The following SCN9A variants were observed in gnomAD, a reference collection of about 807,000 sequenced individuals.
SCN9A encodes the protein sodium voltage-gated channel alpha subunit 9.
Under a neutral mutation model 187.0 loss-of-function variants are expected in SCN9A, and 131 were observed. The ratio of observed to expected loss-of-function variants is 0.70; its 90% CI spans 0.61 to 0.81. SCN9A has a LOEUF of 0.81. Among genes scored for constraint, SCN9A ranks in the 30% least tolerant of loss-of-function variants. SCN9A has a pLI of 0.00. For missense variants in SCN9A, 2,252 were observed against 2,396.6 expected (o/e 0.94, Z 1.26); for synonymous variants, 809 against 808.6 (o/e 1.00, Z -0.01).
At chr2:166,373,731 A>G (rs1700619132) in intron 1 of SCN9A, among the ~76,000 whole-genome samples, 1 of 152,190 alleles carries the variant, frequency 6.6e-6, no homozygotes, top group African/African-American at 2.4e-5. Flanking sequence ...ATAAATTATT[A>G]TCATTATGAC....
chr2:166,249,224 C>A lies in SCN9A; in HGVS notation c.3472+2541G>T, dbSNP rs895980662. 2.0e-5 allele frequency: 3 copies of A among 152,050 alleles called. No individual in the cohort carries two copies. The East Asian group carries it at 5.8e-4, about 29-fold the overall frequency. The allele number at this position is 152,050 out of a possible 1,614,324, so 9.4% of individuals were successfully genotyped here. Reference sequence around the variant, plus strand: ...TAGCATATTTATGTGCTAGTAAGTTCTTCCCCCTCACTCTTGGTATTCCTC... The same window carrying A: ...TAGCATATTTATGTGCTAGTAAGTTATTCCCCCTCACTCTTGGTATTCCTC... On this transcript the variant is annotated intron_variant, in intron 18 of 26. Transcript: ENST00000642356.
intron 24 of SCN9A, chr2:166,205,121 A>C (rs1693735374): frequency 6.6e-6 from 1 of 152,020 alleles, no homozygotes; most frequent in African/African-American, 2.4e-5. Flanking sequence ...ATCCCCATCA[A>C]GCTACCACTG....
chr2:166,260,954 ATTATT>A (rs1696479271), intron 17 of SCN9A, among the ~76,000 whole-genome samples: 1 of 151,746 alleles, frequency 6.6e-6, no homozygotes, highest in South Asian at 2.1e-4. Context: ...TTAGTTTTTT[ATTATT>A]TAACTTAAAA....
At chr2:166,209,480 C>G (rs1246515357) in intron 24 of SCN9A, among the ~76,000 whole-genome samples, 1 of 151,930 alleles carries the variant, frequency 6.6e-6, no homozygotes, top group Admixed American at 6.6e-5. Context: ...GGGAAAGAAA[C>G]TATACACACA....
At chr2:166,353,996 TA>T (rs1371822518) in intron 1 of SCN9A, among the ~76,000 whole-genome samples, 1 of 152,208 alleles carries the variant, frequency 6.6e-6, no homozygotes, top group Non-Finnish European at 1.5e-5. Flanking sequence ...GCTATCTAAT[TA>T]TATTGCCTTT....
intron 1 of SCN9A, among the ~76,000 whole-genome samples, chr2:166,346,317 T>A (rs1699900823): frequency 6.6e-6 from 1 of 152,224 alleles, no homozygotes; most frequent in African/African-American, 2.4e-5. Flanking sequence ...AGTATTATCA[T>A]GAAACTTTTC....
intron 9 of SCN9A, among the ~76,000 whole-genome samples, chr2:166,291,229 T>C (rs1698053390): frequency 6.6e-6 from 1 of 152,130 alleles, no homozygotes; most frequent in Non-Finnish European, 1.5e-5. Flanking sequence ...TTCAGCAAGG[T>C]ATCAGGATAC....
rs35833662 is a variant in SCN9A at position 166,247,157 on chromosome 2, CA to C, written c.3473-4502del. On this transcript the variant is annotated intron_variant, in intron 18 of 26. Coordinates refer to ENST00000642356, the MANE Select transcript of SCN9A (RefSeq NM_001365536.1). ...TTTCATCATGTTAAACCAAAGCTCT[CA>C]AAAAAAAAAAAAAAAAAAAAAGGAA... Among the ~76,000 whole-genome samples, 272 of 41,806 alleles carry C rather than the reference CA, an allele frequency of 6.5e-3. 1 individual carries two copies. Among genetic ancestry groups the C allele is most frequent in the East Asian group, 9.1e-3 (11 of 1,204 alleles). 27.4% of individuals were successfully genotyped at this position (41,806 alleles called of 152,430 possible).
chr2:166,212,765 G>A (rs1300745129), intron 24 of SCN9A, among the ~76,000 whole-genome samples: 1 of 152,090 alleles, frequency 6.6e-6, no homozygotes, highest in Non-Finnish European at 1.5e-5. Context: ...CTGTTAAGAA[G>A]TTGAAATCAT....
intron 1 of SCN9A, among the ~76,000 whole-genome samples, chr2:166,324,278 G>A (rs1002961029): frequency 1.3e-5 from 2 of 151,654 alleles, no homozygotes; most frequent in Non-Finnish European, 2.9e-5. Flanking sequence ...GAACCAGAGA[G>A]CGGGACTCCA....
intron 9 of SCN9A, 76 bp downstream of exon 9, chr2:166,293,155 C>T: frequency 7.4e-7 from 1 of 1,346,628 alleles, no homozygotes; most frequent in Non-Finnish European, 1.0e-6. Context: ...TAAAAAACCT[C>T]CTAATACAGG....
intron 17 of SCN9A, among the ~76,000 whole-genome samples, chr2:166,253,646 C>T: frequency 6.6e-6 from 1 of 151,672 alleles, no homozygotes; most frequent in East Asian, 1.9e-4. Flanking sequence ...ATTTAGAAGA[C>T]TACAGTTTTA....
At chr2:166,292,264 T>A (rs774414033) in intron 9 of SCN9A, among the ~76,000 whole-genome samples, 4 of 152,130 alleles carry the variant, frequency 2.6e-5, no homozygotes, top group African/African-American at 9.7e-5. Flanking sequence ...TAATGTAATA[T>A]ACTTTTATCA....
intron 1 of SCN9A, among the ~76,000 whole-genome samples, chr2:166,322,807 C>T (rs754638250): frequency 6.6e-6 from 1 of 152,096 alleles, no homozygotes; most frequent in Non-Finnish European, 1.5e-5. Flanking sequence ...AGTTCAGGAG[C>T]TAGAAAGCCT....
chr2:166,369,838 A>G (rs1700505864), intron 1 of SCN9A, among the ~76,000 whole-genome samples: 1 of 152,156 alleles, frequency 6.6e-6, no homozygotes, highest in African/African-American at 2.4e-5. Flanking sequence ...TGAAATATAA[A>G]TTTTAATTTT....
intron 18 of SCN9A, among the ~76,000 whole-genome samples, chr2:166,245,127 T>G (rs1351422649): frequency 1.3e-5 from 2 of 152,046 alleles, no homozygotes; most frequent in African/African-American, 4.8e-5. Context: ...CAAGCAGTCT[T>G]CATGCTAAAA....
chr2:166,359,617 T>A (rs1446840590), intron 1 of SCN9A, among the ~76,000 whole-genome samples: 1 of 152,090 alleles, frequency 6.6e-6, no homozygotes, highest in Non-Finnish European at 1.5e-5. Context: ...ATTTGGTAGA[T>A]GGCAAATCAG....
At chr2:166,333,662 GA>G (rs2105268072) in intron 1 of SCN9A, among the ~76,000 whole-genome samples, 1 of 151,848 alleles carries the variant, frequency 6.6e-6, no homozygotes, top group East Asian at 1.9e-4. Context: ...TTCAGGATTA[GA>G]TTGCATATTT....
At chr2:166,347,749 C>T (rs1477615559) in intron 1 of SCN9A, among the ~76,000 whole-genome samples, 4 of 151,866 alleles carry the variant, frequency 2.6e-5, no homozygotes, top group Non-Finnish European at 5.9e-5. Flanking sequence ...CAGGAAGTGT[C>T]TAAATTACCT....
Sources: allele counts gnomAD v4.1 joint callset (sites outside exome capture counted in the v4.1 genomes callset), GRCh38; gene constraint gnomAD v4.1.1; transcripts MANE v1.5; gene names NCBI Gene and HGNC (gene_info 2026-07-23, HGNC 2026-07-21).